TRAF3IP3: variants seen among roughly 807,000 people sequenced by gnomAD.
TRAF3IP3 encodes TRAF3-interacting JNK-activating modulator.
TRAF3IP3 carries 64 observed loss-of-function variants against 86.5 expected under a neutral mutation model. The observed-to-expected ratio is 0.74, with a 90% CI of 0.60 to 0.91. TRAF3IP3 has a LOEUF of 0.91. Ranked by LOEUF, TRAF3IP3 falls within the 40% of genes least tolerant of loss-of-function variation. The pLI, the probability that TRAF3IP3 is intolerant of heterozygous loss-of-function variation, is 0.00. For missense variants in TRAF3IP3, 579 were observed against 642.9 expected, an observed-to-expected ratio of 0.90 and a Z score of 1.07; for synonymous variants, 220 against 243.9, an observed-to-expected ratio of 0.90 and a Z score of 0.91.
At chr1:209,761,996 A>G (rs912619951) in intron 3 of TRAF3IP3, among the ~76,000 whole-genome samples, 2 of 69,578 alleles carry the variant, frequency 2.9e-5, no homozygotes, top group South Asian at 3.6e-4. Flanking sequence ...CAGGAGCAGG[A>G]GAAGCCTGTG....
chr1:209,767,985 C>T (rs570825331), intron 8 of TRAF3IP3, among the ~76,000 whole-genome samples: 249 of 152,230 alleles, frequency 1.6e-3, no homozygotes, highest in African/African-American at 5.9e-3. Flanking sequence ...TGTCCCTCCT[C>T]CCCACCAACC....
At chr1:209,779,779 T>G in intron 14 of TRAF3IP3, 3 of 481,340 alleles carry the variant, frequency 6.2e-6, no homozygotes, top group Admixed American at 7.7e-5. Flanking sequence ...CCATGTTTCC[T>G]GAGAATTCAC....
intron 15 of TRAF3IP3, chr1:209,780,908 G>A (rs903155790): frequency 2.5e-5 from 5 of 196,384 alleles, no homozygotes; most frequent in African/African-American, 1.2e-4. Flanking sequence ...AGTATCTTAA[G>A]TCTTTATATG....
At chr1:209,779,837 C>A in intron 14 of TRAF3IP3, 1 of 270,150 alleles carries the variant, frequency 3.7e-6, no homozygotes, top group South Asian at 7.2e-5. Context: ...CTACACACGA[C>A]CTTTTGTTTT....
Position 209,778,408 on chromosome 1 carries a change from C to T in TRAF3IP3, c.1252+235C>T, listed in dbSNP as rs551544954. On this transcript the variant is annotated intron_variant, in intron 13 of 16. Coordinates refer to ENST00000367025, the MANE Select transcript of TRAF3IP3 (RefSeq NM_025228.4). ...CCTTCCATGCCAATGACACCACTTA[C>T]ATTTCCCCTAGAACTGCAGATTTTT... The T allele has an allele frequency of 2.3e-5, 11 of 479,266 alleles. No homozygotes were observed. The South Asian group carries it at 3.8e-4, about 17-fold the overall frequency. 29.7% of individuals were successfully genotyped at this position (479,266 alleles called of 1,614,324 possible). A position where few individuals can be genotyped will look rare whatever the true frequency, so the allele number is the denominator to read the frequency against.
chr1:209,779,846 T>C (rs1156785640), intron 14 of TRAF3IP3: 1 of 254,772 alleles, frequency 3.9e-6, no homozygotes, highest in Admixed American at 4.9e-5. Flanking sequence ...ACCTTTTGTT[T>C]TCTCTTCACA....
intron 8 of TRAF3IP3, chr1:209,768,303 G>A: frequency 1.0e-6 from 1 of 985,376 alleles, no homozygotes; most frequent in South Asian, 4.7e-5. Flanking sequence ...TTCACCTCCG[G>A]ATGTCTCTGG....
chr1:209,767,765 ACT>A lies in TRAF3IP3; in HGVS notation c.702+4181_702+4182del, dbSNP rs2077385762. 2.6e-5 allele frequency among the ~76,000 whole-genome samples: 4 copies of A among 151,602 alleles called. No homozygotes were observed. The South Asian group carries it at 8.4e-4, about 32-fold the overall frequency. ...CCAAGCAGGGGTTGGGGGAGTTGAG[ACT>A]CTTGTAATATCCCAGGTAAGACACA... On this transcript the variant is annotated intron_variant, in intron 8 of 16. Transcript: ENST00000367025.
intron 8 of TRAF3IP3, among the ~76,000 whole-genome samples, chr1:209,769,137 G>A (rs2077414704): frequency 6.6e-6 from 1 of 152,182 alleles, no homozygotes; most frequent in African/African-American, 2.4e-5. Context: ...TAAGAATATT[G>A]CCTTAGGCCT....
At chr1:209,776,732 T>C (rs2077662792) in intron 11 of TRAF3IP3, 1 of 152,184 alleles carries the variant, frequency 6.6e-6, no homozygotes, top group South Asian at 2.1e-4. Flanking sequence ...TTGTATTCCT[T>C]AATTTGGTGA....
At chr1:209,778,974 A>G in intron 13 of TRAF3IP3, 6 of 304,356 alleles carry the variant, frequency 2.0e-5, no homozygotes, top group Non-Finnish European at 3.7e-5. Flanking sequence ...TTGGCTTTGT[A>G]GATGGCCGTC....
intron 3 of TRAF3IP3, among the ~76,000 whole-genome samples, chr1:209,761,466 G>T (rs2077243301): frequency 6.6e-6 from 1 of 152,166 alleles, no homozygotes; most frequent in Non-Finnish European, 1.5e-5. Flanking sequence ...GGTAATGCTT[G>T]GCATTGTTCC....
At chr1:209,775,286 C>A in intron 9 of TRAF3IP3, 63 bp from the exon 10 acceptor site, 2 of 1,496,300 alleles carry the variant, frequency 1.3e-6, no homozygotes, top group South Asian at 1.2e-5. Flanking sequence ...TTTCTGTATC[C>A]CAGCTCAGGA....
chr1:209,779,204 C>A, intron 13 of TRAF3IP3, 111 bp from the exon 14 acceptor site: 1 of 796,684 alleles, frequency 1.3e-6, no homozygotes, highest in South Asian at 1.7e-5. Flanking sequence ...AAATTCAACA[C>A]ACAGCAGATG....
chr1:209,757,692 C>A (rs777394845), intron 1 of TRAF3IP3, among the ~76,000 whole-genome samples: 6 of 152,282 alleles, frequency 3.9e-5, no homozygotes, highest in African/African-American at 1.4e-4. Context: ...TAGCTTGGAG[C>A]CTTTGTCTTA....
chr1:209,759,969 T>C lies in TRAF3IP3; in HGVS notation c.-58-13T>C. On this transcript the variant is annotated splice_polypyrimidine_tract_variant and intron_variant, in intron 2 of 16. Transcript: ENST00000367025. ...TGACCCCTCCCCTTCTCCTCCCTCT[T>C]GGCATTTGGCAGATCCAGGCATCTA... The C allele has an allele frequency of 7.6e-7, 1 of 1,320,944 alleles. No homozygotes were observed. The highest frequency in any genetic ancestry group is 2.3e-5 in the East Asian group (1 of 43,070). The allele number at this position is 1,320,944 out of a possible 1,614,324, so 81.8% of individuals were successfully genotyped here. A position where few individuals can be genotyped will look rare whatever the true frequency, so the allele number is the denominator to read the frequency against.
At chr1:209,779,160 G>A (rs758180800) in intron 13 of TRAF3IP3, 155 bp from the exon 14 acceptor site, 149 of 622,308 alleles carry the variant, frequency 2.4e-4, no homozygotes, top group Non-Finnish European at 3.7e-4. Context: ...AGGTACTGAG[G>A]GTTAGGACTT....
intron 3 of TRAF3IP3, 109 bp downstream of exon 3, chr1:209,760,493 C>T: frequency 2.1e-6 from 2 of 937,916 alleles, no homozygotes; most frequent in Non-Finnish European, 3.2e-6. Flanking sequence ...AGTCCTTCTT[C>T]CTCAGTCATA....
chr1:209,760,100 G>A lies in TRAF3IP3; in HGVS notation c.61G>A (p.Ala21Thr), dbSNP rs778226605. The change falls in exon 3 of 17, where the codon GCC becomes ACC. Residue 21 changes from alanine (A) to threonine (T), a missense_variant. Coordinates refer to ENST00000367025, the MANE Select transcript of TRAF3IP3 (RefSeq NM_025228.4). ...GLARWAESYE[A>T]KCERRQEIRE... ...GGCCCGGTGGGCTGAGAGCTATGAG[G>A]CCAAGTGTGAGCGCAGGCAAGAGAT... 1.7e-5 allele frequency: 27 copies of A among 1,613,992 alleles called. 1 individual carries two copies. The highest frequency in any genetic ancestry group is 1.6e-4 in the African/African-American group (12 of 74,922).
Sources: gnomAD v4.1 joint callset for allele counts (sites outside exome capture counted in the v4.1 genomes callset) on GRCh38, gnomAD v4.1.1 for gene constraint, MANE v1.5 for transcripts, NCBI Gene and HGNC (gene_info 2026-07-23, HGNC 2026-07-21) for gene names.